MIA2: variants seen among roughly 807,000 people sequenced by gnomAD.
The protein encoded by MIA2 is MIA SH3 domain ER export factor 2.
A neutral mutation model predicts 167.8 loss-of-function variants in MIA2; 127 were observed. The ratio of observed to expected loss-of-function variants is 0.76; its 90% CI spans 0.66 to 0.88. MIA2 has a LOEUF of 0.88. MIA2 is among the 40% of genes least tolerant of loss of function. The probability of loss-of-function intolerance (pLI) is 0.00; values close to 1 mark genes in which losing one functional copy is unlikely to be tolerated. For synonymous variants in MIA2, 552 were observed against 541.9 expected (o/e 1.02, Z -0.26); for missense variants, 1,690 against 1,624.7 (o/e 1.04, Z -0.69).
At chr14:39,276,755 C>T (rs1287534599) in intron 6 of MIA2, 179 bp from the exon 7 acceptor site, 1 of 576,344 alleles carries the variant, frequency 1.7e-6, no homozygotes, top group Non-Finnish European at 3.0e-6. Flanking sequence ...CACCATACTG[C>T]TGTTCTTTAC....
intron 3 of MIA2, among the ~76,000 whole-genome samples, chr14:39,242,834 G>A (rs373835935): frequency 1.3e-5 from 2 of 151,874 alleles, no homozygotes; most frequent in Non-Finnish European, 2.9e-5. Context: ...AAGAAAAAGC[G>A]GGACTTGGCT....
At chr14:39,371,500 T>G (rs1431990557) in intron 23 of MIA2, among the ~76,000 whole-genome samples, 1 of 152,226 alleles carries the variant, frequency 6.6e-6, no homozygotes, top group Non-Finnish European at 1.5e-5. Context: ...GTGTGTCTAT[T>G]TAGACGAGAA....
At chr14:39,292,821 C>G (rs1235013913) in intron 10 of MIA2, 2 of 167,300 alleles carry the variant, frequency 1.2e-5, no homozygotes, top group Non-Finnish European at 2.6e-5. Context: ...TATCATGAAG[C>G]AGCCTTGATT....
chr14:39,285,100 A>C (rs1020661777), intron 9 of MIA2, among the ~76,000 whole-genome samples: 2 of 152,240 alleles, frequency 1.3e-5, no homozygotes, highest in African/African-American at 4.8e-5. Flanking sequence ...ATCCCAAGGC[A>C]GAAGAATTTT....
At chr14:39,276,695 G>A in intron 6 of MIA2, 1 of 408,652 alleles carries the variant, frequency 2.4e-6, no homozygotes, top group Non-Finnish European at 4.5e-6. Context: ...CTCATCCTTG[G>A]AAACTTTAAG....
chr14:39,276,829 C>A, intron 6 of MIA2, 105 bp from the exon 7 acceptor site: 2 of 1,233,374 alleles, frequency 1.6e-6, no homozygotes, highest in South Asian at 1.4e-5. Flanking sequence ...TGGTGTTAGT[C>A]TGGCAGCCCA....
intron 18 of MIA2, among the ~76,000 whole-genome samples, chr14:39,308,917 GAT>G (rs2063772183): frequency 6.6e-6 from 1 of 152,176 alleles, no homozygotes; most frequent in African/African-American, 2.4e-5. Context: ...TTCCATCTCT[GAT>G]ATATGTAAAA....
At chr14:39,344,610 A>G (rs971634472) in intron 25 of MIA2, among the ~76,000 whole-genome samples, 4 of 152,192 alleles carry the variant, frequency 2.6e-5, no homozygotes, top group East Asian at 1.9e-4. Context: ...TGATGTGTCA[A>G]TAAGGTCCCC....
intron 4 of MIA2, among the ~76,000 whole-genome samples, chr14:39,251,219 G>A (rs978630093): frequency 1.1e-4 from 17 of 152,090 alleles, no homozygotes; most frequent in African/African-American, 4.1e-4. Flanking sequence ...ATTGATTTAG[G>A]AATTTACAAA....
chr14:39,267,526 AGCCCAGGCGCGATGAGTGTTACGTG>A (rs1392486351), intron 6 of MIA2: 1 of 1,613,230 alleles, frequency 6.2e-7, no homozygotes, highest in Non-Finnish European at 8.5e-7. Flanking sequence ...ACGCAGGGTG[AGCCCAGGCGCGATGAGTGTTACGTG>A]GCCCAGGGGT....
intron 23 of MIA2, among the ~76,000 whole-genome samples, chr14:39,358,482 T>G (rs1359900861): frequency 6.6e-6 from 1 of 152,200 alleles, no homozygotes; most frequent in Non-Finnish European, 1.5e-5. Flanking sequence ...GTTTTTAACT[T>G]CTTTGCCATG....
intron 25 of MIA2, among the ~76,000 whole-genome samples, chr14:39,330,450 C>G (rs540841233): frequency 6.6e-6 from 1 of 152,118 alleles, no homozygotes; most frequent in African/African-American, 2.4e-5. Flanking sequence ...TTTTTTGTGT[C>G]TTTATCTCCT....
At chr14:39,277,848 C>G (rs1207342071) in intron 7 of MIA2, among the ~76,000 whole-genome samples, 1 of 144,734 alleles carries the variant, frequency 6.9e-6, no homozygotes, top group Non-Finnish European at 1.5e-5. Flanking sequence ...TTCACAGATG[C>G]AATTATAGTG....
intron 9 of MIA2, among the ~76,000 whole-genome samples, chr14:39,286,305 T>C (rs929774875): frequency 6.6e-6 from 1 of 151,478 alleles, no homozygotes; most frequent in African/African-American, 2.4e-5. Flanking sequence ...ACCAGTCAGG[T>C]GTGGTGGCGC....
Position 39,385,613 on chromosome 14 carries a change from C to T in MIA2, c.2249-1272C>T, listed in dbSNP as rs543628921. The T allele has an allele frequency of 4.6e-5, 38 of 820,164 alleles. No individual in the cohort carries two copies. The South Asian group carries it at 4.8e-4, about 10-fold the overall frequency. The allele number at this position is 820,164 out of a possible 1,614,324, so 50.8% of individuals were successfully genotyped here. A position where few individuals can be genotyped will look rare whatever the true frequency, so the allele number is the denominator to read the frequency against. ...ATTTCTATATCTACTTGCTGGGTCT[C>T]TGGATTGGGGCTTAATATTCTTCTG... is the stretch of plus-strand genomic sequence containing the variant. On this transcript the variant is annotated intron_variant, in intron 23 of 23. Coordinates refer to the MIA2 transcript ENST00000341502.
intron 25 of MIA2, among the ~76,000 whole-genome samples, chr14:39,335,950 G>A (rs1159304662): frequency 6.6e-6 from 1 of 152,196 alleles, no homozygotes; most frequent in Non-Finnish European, 1.5e-5. Flanking sequence ...TCTTTCTTAT[G>A]GCTGTGTAGT....
At chr14:39,333,510 AATCCCATTGCCTC>A (rs1301554268) in intron 25 of MIA2, among the ~76,000 whole-genome samples, 1 of 152,168 alleles carries the variant, frequency 6.6e-6, no homozygotes, top group Non-Finnish European at 1.5e-5. Context: ...AGGATATCCC[AATCCCATTGCCTC>A]AGGCTTGGGC....
chr14:39,336,272 T>C (rs2070390655), intron 25 of MIA2, among the ~76,000 whole-genome samples: 2 of 152,212 alleles, frequency 1.3e-5, no homozygotes, highest in Non-Finnish European at 2.9e-5. Flanking sequence ...TCTGTTATTT[T>C]GACTTTTTAA....
At chr14:39,376,144 G>C (rs2075041852) in intron 23 of MIA2, among the ~76,000 whole-genome samples, 2 of 151,978 alleles carry the variant, frequency 1.3e-5, no homozygotes, top group South Asian at 4.2e-4. Context: ...AGTAGAGATG[G>C]GGTTTTGCCA....
Sources: gnomAD v4.1 joint callset for allele counts (sites outside exome capture counted in the v4.1 genomes callset) on GRCh38, gnomAD v4.1.1 for gene constraint, MANE v1.5 for transcripts, NCBI Gene and HGNC (gene_info 2026-07-23, HGNC 2026-07-21) for gene names.